Variants in CD36 observed in about 807,000 individuals in gnomAD.
The protein encoded by CD36 is platelet glycoprotein 4.
A neutral mutation model predicts 55.2 loss-of-function variants in CD36; 119 were observed. The observed-to-expected ratio is 2.15, with a 90% CI of 1.86 to 2.51. The LOEUF (loss-of-function observed/expected upper bound fraction) is 2.51. CD36 is among the 30% of genes most tolerant of loss of function. The pLI is 0.00. For missense variants in CD36, 819 were observed against 555.5 expected (o/e 1.47, Z -4.77); for synonymous variants, 186 against 193.6 (o/e 0.96, Z 0.33).
rs764884753 is a variant in CD36 at position 80,661,224 on chromosome 7, C to T, written c.429+14C>T. 2 of 1,610,730 alleles carry T rather than the reference C, an allele frequency of 1.2e-6. No individual in the cohort carries two copies. The highest frequency in any genetic ancestry group is 1.3e-5 in the African/African-American group (1 of 74,950). ...CTGGCTGTGGCAGTGAGTAGACAAA[C>T]AACAAAGTTATCTATTTTAAAATAC... On this transcript the variant is annotated intron_variant, in intron 5 of 14. Transcript: ENST00000447544.
At chr7:80,670,320 A>G (rs760652316) in intron 9 of CD36, 3 of 401,692 alleles carry the variant, frequency 7.5e-6, no homozygotes, top group South Asian at 6.7e-5. Flanking sequence ...TGCAAATGTA[A>G]CAGAACTGTG....
At chr7:80,666,708 T>C (rs956263901) in intron 8 of CD36, among the ~76,000 whole-genome samples, 1 of 152,220 alleles carries the variant, frequency 6.6e-6, no homozygotes, top group Non-Finnish European at 1.5e-5. Flanking sequence ...CCTTACTGCA[T>C]GATTCAGAGA....
In CD36 at chr7:80,672,862, G is replaced by A. The variant is rs1272590872; in HGVS notation, c.1199+19G>A. On this transcript the variant is annotated intron_variant, in intron 12 of 14. Coordinates refer to ENST00000447544, the MANE Select transcript of CD36 (RefSeq NM_001001548.3). ...AAATTCAGTGAGTCTCTTGAAAATG[G>A]TTATTTTGATATGATCTGTAGTATC... 1.1e-5 allele frequency: 17 copies of A among 1,544,570 alleles called. No individual in the cohort carries two copies. In the East Asian group the frequency reaches 3.6e-4, roughly 33 times the overall value.
intron 7 of CD36, 184 bp from the exon 8 acceptor site, chr7:80,666,259 T>C: frequency 1.7e-6 from 1 of 575,372 alleles, no homozygotes; most frequent in Non-Finnish European, 3.1e-6. Context: ...TGGCATCAGG[T>C]ACATTGCAAT....
At chr7:80,642,282 AT>A (rs1317446945) in intron 1 of CD36, among the ~76,000 whole-genome samples, 3 of 152,194 alleles carry the variant, frequency 2.0e-5, no homozygotes, top group Admixed American at 1.3e-4. Context: ...AAAGAATAAA[AT>A]TTAATCTACA....
intron 1 of CD36, among the ~76,000 whole-genome samples, chr7:80,604,402 C>G (rs1341623874): frequency 2.6e-5 from 2 of 77,104 alleles, no homozygotes; most frequent in Non-Finnish European, 5.1e-5. Flanking sequence ...GCAAAGTATG[C>G]CATTGGTTCC....
chr7:80,670,273 C>T lies in CD36; in HGVS notation c.818+251C>T, dbSNP rs3211933. 2,548 of 474,724 alleles carry T rather than the reference C, an allele frequency of 5.4e-3. 54 individuals are homozygous for T. Among genetic ancestry groups the T allele is most frequent in the African/African-American group, 0.041 (2,104 of 50,918 alleles). 29.4% of individuals were successfully genotyped at this position (474,724 alleles called of 1,614,324 possible). The stretch of plus-strand genomic sequence containing the variant: ...CTATTAACGATCAAGTCCAGAAGGG[C>T]GTGCCCAATCTTTCTAAAGACATAC... On this transcript the variant is annotated intron_variant, in intron 9 of 14. Transcript: ENST00000447544.
chr7:80,651,203 A>C (rs1480997296), intron 3 of CD36, among the ~76,000 whole-genome samples: 2 of 152,096 alleles, frequency 1.3e-5, no homozygotes, highest in Non-Finnish European at 2.9e-5. Context: ...CGTGGATATA[A>C]AGAAGGGAAC....
intron 1 of CD36, among the ~76,000 whole-genome samples, chr7:80,612,603 G>A (rs1277388397): frequency 1.3e-5 from 2 of 152,082 alleles, no homozygotes; most frequent in African/African-American, 4.8e-5. Context: ...TATAAATGTG[G>A]TTAAATATAT....
At chr7:80,606,197 T>C (rs555954499) in intron 1 of CD36, among the ~76,000 whole-genome samples, 73 of 152,346 alleles carry the variant, frequency 4.8e-4, no homozygotes, top group Non-Finnish European at 9.3e-4. Flanking sequence ...TACATTTCTT[T>C]CTTATGTTTA....
chr7:80,602,633 A>G (rs2115649420), intron 1 of CD36, among the ~76,000 whole-genome samples: 1 of 152,250 alleles, frequency 6.6e-6, no homozygotes, highest in South Asian at 2.1e-4. Context: ...ATGGATTTCT[A>G]GTTGCCTAGT....
At chr7:80,657,043 C>T (rs987860957) in intron 4 of CD36, among the ~76,000 whole-genome samples, 2 of 152,076 alleles carry the variant, frequency 1.3e-5, no homozygotes, top group African/African-American at 4.8e-5. Context: ...TTCTCAACAA[C>T]TCTGAAATAT....
At position 80,666,439 on chromosome 7, in the gene CD36, C is replaced by T. The variant is rs754945994; in HGVS notation, c.702-4C>T. 5.9e-5 allele frequency: 93 copies of T among 1,586,132 alleles called. No homozygotes were observed. The South Asian group carries it at 8.7e-4, about 15-fold the overall frequency. ...GTTTATTCATTGTCTTTTTCTATTC[C>T]TAGGAATCTGTCCTATTGGGAAAGT... On this transcript the variant is annotated splice_polypyrimidine_tract_variant and splice_region_variant and intron_variant, in intron 7 of 14. Coordinates refer to ENST00000447544, the MANE Select transcript of CD36 (RefSeq NM_001001548.3).
In CD36 at chr7:80,663,032, C is replaced by A; in HGVS notation, c.472C>A (p.Leu158Ile). Residue 158 changes from leucine to isoleucine, a missense_variant, in exon 6 of 15, where the codon CTC becomes ATC. Transcript: ENST00000447544. ...IYQNQFVQMILNSLINKSKSS... is the reference protein window; with the variant it reads ...IYQNQFVQMIINSLINKSKSS... ...TCAAAATCAATTTGTTCAAATGATC[C>A]TCAATTCACTTATTAACAAGTCAAA... is the stretch of plus-strand genomic sequence containing the variant. 3 of 1,613,210 alleles carry A rather than the reference C, an allele frequency of 1.9e-6. No individual in the cohort carries two copies. The highest frequency in any genetic ancestry group is 2.5e-6 in the Non-Finnish European group (3 of 1,179,458).
At chr7:80,619,791 G>A (rs1256322473) in intron 1 of CD36, among the ~76,000 whole-genome samples, 1 of 152,164 alleles carries the variant, frequency 6.6e-6, no homozygotes, top group African/African-American at 2.4e-5. Flanking sequence ...CATAGGAAAG[G>A]TTGAAATAGC....
intron 3 of CD36, among the ~76,000 whole-genome samples, chr7:80,650,866 A>G (rs980843203): frequency 6.6e-6 from 1 of 151,070 alleles, no homozygotes. Context: ...CTTTCTTACC[A>G]GTATTTTTGA....
chr7:80,630,929 A>G (rs1794041258), intron 1 of CD36, among the ~76,000 whole-genome samples: 1 of 152,038 alleles, frequency 6.6e-6, no homozygotes, highest in African/African-American at 2.4e-5. Context: ...AGAAAACATA[A>G]ACATTTCAGT....
chr7:80,645,888 TG>T (rs1223674288), intron 1 of CD36, among the ~76,000 whole-genome samples, 199 bp from the exon 2 acceptor site: 1 of 152,150 alleles, frequency 6.6e-6, no homozygotes, highest in Non-Finnish European at 1.5e-5. Flanking sequence ...TCAATAAAAC[TG>T]AAAGTAAGAT....
At position 80,654,347 on chromosome 7, in the gene CD36, G is replaced by A. The variant is rs958913442; in HGVS notation, c.121-2193G>A. On this transcript the variant is annotated intron_variant, in intron 3 of 14. Transcript: ENST00000447544. ...TTTTGTCATTAAAATCGCAAAAACC[G>A]TAATTACTTGTGTACAAACCTAATA... is the stretch of plus-strand genomic sequence containing the variant. Among the ~76,000 whole-genome samples the A allele has an allele frequency of 7.2e-5, 11 of 152,094 alleles. No individual in the cohort carries two copies. The South Asian group carries it at 1.7e-3, about 23-fold the overall frequency.
Sources: gnomAD v4.1 joint callset for allele counts (sites outside exome capture counted in the v4.1 genomes callset) on GRCh38, gnomAD v4.1.1 for gene constraint, MANE v1.5 for transcripts, NCBI Gene and HGNC (gene_info 2026-07-23, HGNC 2026-07-21) for gene names.